PLEKHA5: variants seen among roughly 807,000 people sequenced by gnomAD.
PLEKHA5 encodes the protein pleckstrin homology domain containing A5.
In PLEKHA5, 55 loss-of-function variants were observed where a neutral mutation model predicts 181.9. The ratio of observed to expected loss-of-function variants is 0.30; its 90% CI spans 0.24 to 0.38. The LOEUF (loss-of-function observed/expected upper bound fraction) is 0.38. PLEKHA5 is among the 10% of genes least tolerant of loss of function. The pLI, the probability that PLEKHA5 is intolerant of heterozygous loss-of-function variation, is 1.00. For synonymous variants in PLEKHA5, 535 were observed against 529.4 expected (o/e 1.01, Z -0.15); for missense variants, 1,432 against 1,549.5 (o/e 0.92, Z 1.27).
At chr12:19,249,408 A>G (rs1274528490) in intron 3 of PLEKHA5, among the ~76,000 whole-genome samples, 1 of 152,208 alleles carries the variant, frequency 6.6e-6, no homozygotes, top group African/African-American at 2.4e-5. Flanking sequence ...GGACAAAGGG[A>G]TGATTCACAT....
At chr12:19,309,717 C>T (rs1278730900) in intron 15 of PLEKHA5, among the ~76,000 whole-genome samples, 2 of 151,634 alleles carry the variant, frequency 1.3e-5, no homozygotes, top group Non-Finnish European at 1.5e-5. Flanking sequence ...TGCACTCCAG[C>T]CTGGGCGACA....
At chr12:19,363,053 A>T (rs1419624531) in intron 29 of PLEKHA5, among the ~76,000 whole-genome samples, 2 of 152,102 alleles carry the variant, frequency 1.3e-5, no homozygotes, top group African/African-American at 4.8e-5. Context: ...TCAAAATTCT[A>T]AGCTGTCTCA....
intron 3 of PLEKHA5, among the ~76,000 whole-genome samples, chr12:19,230,043 G>A (rs1398981439): frequency 1.3e-5 from 2 of 151,956 alleles, no homozygotes; most frequent in African/African-American, 2.4e-5. Context: ...CACCAGATTA[G>A]CTAGATACAG....
intron 3 of PLEKHA5, among the ~76,000 whole-genome samples, chr12:19,227,203 C>T (rs1263954912): frequency 1.3e-5 from 2 of 151,458 alleles, no homozygotes. Flanking sequence ...ATAGACCATT[C>T]TTGGTGCCTA....
chr12:19,370,863 G>C (rs539453058), intron 31 of PLEKHA5: 2 of 151,290 alleles, frequency 1.3e-5, no homozygotes, highest in South Asian at 4.2e-4. Flanking sequence ...CTGATATTTC[G>C]ATTTTCTTAT....
At position 19,212,953 on chromosome 12, in the gene PLEKHA5, G is replaced by A. The variant is rs114543546; in HGVS notation, c.228-40987G>A. ...TCTCTAAACTGAAGAATTGTTTTCA[G>A]TCTTGTTCCAGTACCTATACTAGAT... On this transcript the variant is annotated intron_variant, in intron 3 of 31. Coordinates refer to ENST00000429027, the MANE Select transcript of PLEKHA5 (RefSeq NM_001256470.2). 1.9e-3 allele frequency among the ~76,000 whole-genome samples: 290 copies of A among 151,276 alleles called. 1 individual carries two copies. Among genetic ancestry groups the A allele is most frequent in the African/African-American group, 6.8e-3 (279 of 41,228 alleles).
At chr12:19,129,966 C>G in intron 1 of PLEKHA5, 78 bp downstream of exon 1, 22 of 1,468,526 alleles carry the variant, frequency 1.5e-5, no homozygotes, top group Non-Finnish European at 2.0e-5. Context: ...CGGGGGAGAG[C>G]CCGGGTCTGT....
chr12:19,305,861 C>CAAGA (rs2083233116), intron 15 of PLEKHA5, among the ~76,000 whole-genome samples: 1 of 37,890 alleles, frequency 2.6e-5, no homozygotes, highest in Non-Finnish European at 5.1e-5. Context: ...AACTCCATCT[C>CAAGA]AAAAAAAAAA....
chr12:19,363,271 C>G (rs2095317809), intron 29 of PLEKHA5, among the ~76,000 whole-genome samples: 1 of 151,748 alleles, frequency 6.6e-6, no homozygotes, highest in Non-Finnish European at 1.5e-5. Flanking sequence ...CCTGCCTCAG[C>G]CTCCTGAGTA....
chr12:19,197,872 A>G (rs1411984771), intron 3 of PLEKHA5, among the ~76,000 whole-genome samples: 1 of 149,554 alleles, frequency 6.7e-6, no homozygotes, highest in East Asian at 2.0e-4. Context: ...AGAGAAAACA[A>G]CTTTGCTGCC....
chr12:19,184,745 A>T (rs1160808150), intron 3 of PLEKHA5, among the ~76,000 whole-genome samples: 1 of 152,192 alleles, frequency 6.6e-6, no homozygotes, highest in Non-Finnish European at 1.5e-5. Context: ...GGTTTTTAAA[A>T]ATGCGGGAAT....
chr12:19,132,559 A>C (rs1038778810), intron 3 of PLEKHA5, 109 bp downstream of exon 3: 10 of 665,268 alleles, frequency 1.5e-5, no homozygotes, highest in Admixed American at 3.1e-5. Context: ...GAAGTTTATC[A>C]TATAATGGTG....
intron 3 of PLEKHA5, among the ~76,000 whole-genome samples, chr12:19,209,271 A>G (rs1047256706): frequency 5.9e-5 from 9 of 152,200 alleles, no homozygotes; most frequent in Non-Finnish European, 1.2e-4. Context: ...TATGGGGACA[A>G]CACTCCAAAG....
At chr12:19,280,382 C>T (rs780647280) in intron 11 of PLEKHA5, among the ~76,000 whole-genome samples, 1 of 152,092 alleles carries the variant, frequency 6.6e-6, no homozygotes, top group African/African-American at 2.4e-5. Context: ...TGCATTGTTA[C>T]TGACAGGTCT....
chr12:19,314,287 A>G (rs1233330035), intron 15 of PLEKHA5, among the ~76,000 whole-genome samples: 2 of 152,130 alleles, frequency 1.3e-5, no homozygotes, highest in Non-Finnish European at 2.9e-5. Context: ...GAAAATCCAA[A>G]ATAGAGTCTC....
At chr12:19,152,189 G>A (rs886335651) in intron 3 of PLEKHA5, 1 of 152,092 alleles carries the variant, frequency 6.6e-6, no homozygotes, top group Non-Finnish European at 1.5e-5. Context: ...ATTGGTATTA[G>A]CAGTAGATAT....
At position 19,141,715 on chromosome 12, in the gene PLEKHA5, T is replaced by C. The variant is rs562137679; in HGVS notation, c.227+9265T>C. 7.1e-4 allele frequency among the ~76,000 whole-genome samples: 108 copies of C among 152,304 alleles called. 1 individual carries two copies. The South Asian group carries it at 0.022, about 31-fold the overall frequency. Reference sequence around the variant, plus strand: ...GAATGAGTAGAAGCCAGTCCTAGATTGGCTGTCCTGAGCAAGTGAGTTTGA... The same window carrying C: ...GAATGAGTAGAAGCCAGTCCTAGATCGGCTGTCCTGAGCAAGTGAGTTTGA... On this transcript the variant is annotated intron_variant, in intron 3 of 31. Transcript: ENST00000429027.
At chr12:19,334,940 T>C (rs1354701214) in intron 20 of PLEKHA5, among the ~76,000 whole-genome samples, 1 of 106,274 alleles carries the variant, frequency 9.4e-6, no homozygotes, top group Non-Finnish European at 1.8e-5. Flanking sequence ...GTTTTCCCAG[T>C]ACATTTTGAA....
intron 3 of PLEKHA5, chr12:19,200,403 C>T (rs1225683559): frequency 1.3e-6 from 2 of 1,511,434 alleles, no homozygotes; most frequent in African/African-American, 2.8e-5. Flanking sequence ...AGGCCTATGA[C>T]TAGCTTCACT....
Sources: gnomAD v4.1 joint callset for allele counts (sites outside exome capture counted in the v4.1 genomes callset) on GRCh38, gnomAD v4.1.1 for gene constraint, MANE v1.5 for transcripts, NCBI Gene and HGNC (gene_info 2026-07-23, HGNC 2026-07-21) for gene names.